The following PAX9 variants were observed in gnomAD, a reference collection of about 807,000 sequenced individuals.
The protein encoded by PAX9 is paired box protein Pax-9.
A neutral mutation model predicts 29.1 loss-of-function variants in PAX9; 6 were observed. The observed-to-expected ratio is 0.21, with a 90% CI of 0.11 to 0.41. The LOEUF is 0.41. Among genes scored for constraint, PAX9 ranks in the 10% least tolerant of loss-of-function variants. The probability of loss-of-function intolerance (pLI) is 1.00; values close to 1 mark genes in which losing one functional copy is unlikely to be tolerated. For synonymous variants in PAX9, 217 were observed against 211.7 expected (o/e 1.03, Z -0.22); for missense variants, 443 against 479.1 (o/e 0.92, Z 0.70).
intron 3 of PAX9, among the ~76,000 whole-genome samples, chr14:36,669,938 A>G (rs189071990): frequency 6.6e-6 from 1 of 152,150 alleles, no homozygotes; most frequent in East Asian, 1.9e-4. Context: ...TTACTTCTGA[A>G]TGGCAACAAT....
Position 36,676,568 on chromosome 14 carries a change from G to C in PAX9, c.*116G>C, listed in dbSNP as rs1881902090. 8.1e-7 allele frequency: 1 copy of C among 1,230,444 alleles called. No individual in the cohort carries two copies. Among genetic ancestry groups the C allele is most frequent in the Non-Finnish European group, 1.2e-6 (1 of 865,442 alleles). The allele number at this position is 1,230,444 out of a possible 1,614,324, so 76.2% of individuals were successfully genotyped here. A position where few individuals can be genotyped will look rare whatever the true frequency, so the allele number is the denominator to read the frequency against. On this transcript the variant is annotated 3_prime_UTR_variant, in exon 4 of 4. Coordinates refer to ENST00000361487, the MANE Select transcript of PAX9 (RefSeq NM_001372076.1). Reference sequence around the variant, plus strand: ...GCCCTCCAACCCTTCTGCCTTGAAAGCTGGCTGTACGGACTCACATCCTTT... The same window carrying C: ...GCCCTCCAACCCTTCTGCCTTGAAACCTGGCTGTACGGACTCACATCCTTT...
At chr14:36,660,156 C>G (rs1881203917), upstream of PAX9, among the ~76,000 whole-genome samples, 1 of 152,186 alleles carries the variant, frequency 6.6e-6, no homozygotes, top group African/African-American at 2.4e-5. Context: ...AAAGTCTCAA[C>G]TAATTTATCT....
In PAX9 at chr14:36,663,048, C is replaced by T. The variant is rs200418409; in HGVS notation, c.156C>T (p.Cys52=). The T allele has an allele frequency of 1.4e-5, 23 of 1,613,806 alleles. No individual in the cohort carries two copies. The Admixed American group carries it at 1.5e-4, about 11-fold the overall frequency. The change falls in exon 2 of 4, where the codon TGC becomes TGT. Residue 52 remains cysteine (C), a synonymous_variant. Coordinates refer to ENST00000361487, the MANE Select transcript of PAX9 (RefSeq NM_001372076.1). The part of the protein sequence containing the change: ...ISRQLRVSHG[C]VSKILARYNE... ...GCCAGCTACGGGTCTCGCACGGCTG[C>T]GTCAGCAAGATCCTGGCGCGATACA... is the stretch of plus-strand genomic sequence containing the variant.
intron 2 of PAX9, among the ~76,000 whole-genome samples, chr14:36,665,761 G>A (rs539016633): frequency 3.3e-5 from 5 of 152,266 alleles, no homozygotes; most frequent in Admixed American, 2.0e-4. Context: ...CCCATGGCAT[G>A]TATAGTGGTA....
intron 2 of PAX9, among the ~76,000 whole-genome samples, chr14:36,665,470 A>G (rs1307621363): frequency 6.6e-6 from 1 of 152,162 alleles, no homozygotes; most frequent in Non-Finnish European, 1.5e-5. Context: ...CACCCATAGG[A>G]CCCAAAGACA....
chr14:36,661,669 G>A (rs1881270451), upstream of PAX9: 2 of 261,590 alleles, frequency 7.6e-6, no homozygotes, highest in South Asian at 8.5e-5. Flanking sequence ...CTGGGAAGAT[G>A]TCAAACACCC....
At chr14:36,668,428 C>T (rs1418375830) in intron 3 of PAX9, among the ~76,000 whole-genome samples, 1 of 152,262 alleles carries the variant, frequency 6.6e-6, no homozygotes, top group Admixed American at 6.5e-5. Context: ...CTAGCTCTGT[C>T]GCCAGGTTGG....
At chr14:36,676,062 T>A (rs2139122774) in intron 3 of PAX9, 136 bp from the exon 4 acceptor site, 6 of 798,046 alleles carry the variant, frequency 7.5e-6, no homozygotes, top group South Asian at 5.4e-5. Flanking sequence ...AAAGCTCAAA[T>A]TTTTTTAAAA....
In PAX9 at chr14:36,661,875, G is replaced by T; in HGVS notation, c.-215G>T. On this transcript the variant is annotated 5_prime_UTR_variant, in exon 1 of 4. Transcript: ENST00000361487. ...TGCCCTGCTCAGCCCAGCCCACGTTGCTGCTTAGATTGAAATGCAGAACTC... is the reference window on the plus strand; with the variant it reads ...TGCCCTGCTCAGCCCAGCCCACGTTTCTGCTTAGATTGAAATGCAGAACTC... The T allele has an allele frequency of 1.5e-6, 1 of 648,466 alleles. No individual in the cohort carries two copies. The highest frequency in any genetic ancestry group is 2.3e-5 in the Admixed American group (1 of 42,634). The allele number at this position is 648,466 out of a possible 1,614,324, so 40.2% of individuals were successfully genotyped here. A position where few individuals can be genotyped will look rare whatever the true frequency, so the allele number is the denominator to read the frequency against.
chr14:36,661,939 T>C lies in PAX9; in HGVS notation c.-151T>C. 5.7e-6 allele frequency: 5 copies of C among 882,110 alleles called. No homozygotes were observed. The highest frequency in any genetic ancestry group is 9.2e-6 in the Non-Finnish European group (5 of 541,510). 54.6% of individuals were successfully genotyped at this position (882,110 alleles called of 1,614,324 possible). A position where few individuals can be genotyped will look rare whatever the true frequency, so the allele number is the denominator to read the frequency against. On this transcript the variant is annotated 5_prime_UTR_variant, in exon 1 of 4. Coordinates refer to ENST00000361487, the MANE Select transcript of PAX9 (RefSeq NM_001372076.1). ...CGGGGCACAGACTTCCTTTTACTTC[T>C]TCCTTTTGCCCTCTCGCCTCCTCCT...
Position 36,676,295 on chromosome 14 carries a change from G to T in PAX9, c.869G>T (p.Ser290Ile). 6.2e-7 allele frequency: 1 copy of T among 1,614,154 alleles called. No homozygotes were observed. Among genetic ancestry groups the T allele is most frequent in the Non-Finnish European group, 8.5e-7 (1 of 1,180,048 alleles). ...CAAGTGTCGCCTTACATGACCTACA[G>T]TGCTGCTCCTTCTGGTTATGTTGCT... ...PAQVSPYMTY[S>I]AAPSGYVAGH... is the part of the protein sequence containing the mutation. Residue 290 changes from serine (S) to isoleucine (I), a missense_variant, in exon 4 of 4, where the codon AGT (serine) becomes ATT (isoleucine). Transcript: ENST00000361487.
At chr14:36,661,121 G>A (rs139202137), upstream of PAX9, among the ~76,000 whole-genome samples, 416 of 152,378 alleles carry the variant, frequency 2.7e-3, no homozygotes, top group African/African-American at 8.9e-3. Context: ...ACTGGCAATT[G>A]GTCGACTTGG....
intron 1 of PAX9, chr14:36,662,425 A>C: frequency 2.4e-6 from 1 of 417,144 alleles, no homozygotes; most frequent in South Asian, 7.3e-5. Flanking sequence ...CAGGAAAAGA[A>C]AAGAAAAGAA....
rs1035348255 is a variant in PAX9 at position 36,661,899 on chromosome 14, T to G, written c.-191T>G. The G allele has an allele frequency of 4.2e-6, 3 of 706,146 alleles. No individual in the cohort carries two copies. The Admixed American group carries it at 6.5e-5, about 15-fold the overall frequency. 43.7% of individuals were successfully genotyped at this position (706,146 alleles called of 1,614,324 possible). ...TGCTGCTTAGATTGAAATGCAGAAC[T>G]CAAGCCTCTTTCATCGGGGCACAGA... is the stretch of plus-strand genomic sequence containing the variant. On this transcript the variant is annotated 5_prime_UTR_variant, in exon 1 of 4. Transcript: ENST00000361487.
upstream of PAX9, among the ~76,000 whole-genome samples, chr14:36,659,071 C>T (rs1445906060): frequency 6.6e-6 from 1 of 152,228 alleles, no homozygotes; most frequent in Non-Finnish European, 1.5e-5. Context: ...CTCGACGCGG[C>T]TAGGGAAAGG....
In PAX9 at chr14:36,678,471, C is replaced by T. The variant is rs1009752482; in HGVS notation, c.*2019C>T. On this transcript the variant is annotated 3_prime_UTR_variant, in exon 4 of 4. Transcript: ENST00000361487. Reference sequence around the variant, plus strand: ...GATCTTGTAAAACTTCCATTGACATCTGGAGTTCCCAGTCTGGTGAGAAAA... The same window carrying T: ...GATCTTGTAAAACTTCCATTGACATTTGGAGTTCCCAGTCTGGTGAGAAAA... 8 of 1,535,142 alleles carry T rather than the reference C, an allele frequency of 5.2e-6. No individual in the cohort carries two copies. The highest frequency in any genetic ancestry group is 7.0e-6 in the Non-Finnish European group (8 of 1,145,030).
chr14:36,679,287 G>T lies in PAX9; in HGVS notation c.*2835G>T. 4 of 978,260 alleles carry T rather than the reference G, an allele frequency of 4.1e-6. No individual in the cohort carries two copies. The highest frequency in any genetic ancestry group is 4.9e-6 in the Non-Finnish European group (4 of 823,548). 60.6% of individuals were successfully genotyped at this position (978,260 alleles called of 1,614,324 possible). A position where few individuals can be genotyped will look rare whatever the true frequency, so the allele number is the denominator to read the frequency against. ...GAAAGGATGTACAACAGAAGGCTAT[G>T]TATGTATATACAGTATGTCAAAAGC... On this transcript the variant is annotated 3_prime_UTR_variant, in exon 4 of 4. Coordinates refer to ENST00000361487, the MANE Select transcript of PAX9 (RefSeq NM_001372076.1).
Position 36,678,978 on chromosome 14 carries a change from A to G in PAX9, c.*2526A>G. 2 of 981,848 alleles carry G rather than the reference A, an allele frequency of 2.0e-6. No individual in the cohort carries two copies. Among genetic ancestry groups the G allele is most frequent in the Non-Finnish European group, 2.4e-6 (2 of 827,746 alleles). The allele number at this position is 981,848 out of a possible 1,614,324, so 60.8% of individuals were successfully genotyped here. Reference sequence around the variant, plus strand: ...GATTATTATTGGTTAATGTTGACATATTTCCTCTATCTCATAGATGGTAAA... The same window carrying G: ...GATTATTATTGGTTAATGTTGACATGTTTCCTCTATCTCATAGATGGTAAA... On this transcript the variant is annotated 3_prime_UTR_variant, in exon 4 of 4. Coordinates refer to ENST00000361487, the MANE Select transcript of PAX9 (RefSeq NM_001372076.1).
At chr14:36,666,715 G>C in intron 3 of PAX9, 114 bp downstream of exon 3, 1 of 1,343,750 alleles carries the variant, frequency 7.4e-7, no homozygotes, top group African/African-American at 1.4e-5. Flanking sequence ...CCAGGCTGGC[G>C]TCCCTTTGCT....
Sources: gnomAD v4.1 joint callset for allele counts (sites outside exome capture counted in the v4.1 genomes callset) on GRCh38, gnomAD v4.1.1 for gene constraint, MANE v1.5 for transcripts, NCBI Gene and HGNC (gene_info 2026-07-23, HGNC 2026-07-21) for gene names.